The following KRT15 variants were observed in gnomAD, a reference collection of about 807,000 sequenced individuals.
KRT15 encodes keratin 15.
In KRT15, 45 loss-of-function variants were observed where a neutral mutation model predicts 46.6. That is an observed-to-expected ratio of 0.97 (90% CI 0.76 to 1.24). KRT15 has a LOEUF of 1.24. Among genes scored for constraint, KRT15 ranks in the 50% most tolerant of loss-of-function variants. The probability of loss-of-function intolerance (pLI) is 0.00; values close to 1 mark genes in which losing one functional copy is unlikely to be tolerated. For missense variants in KRT15, 592 were observed against 588.9 expected (o/e 1.01, Z -0.05); for synonymous variants, 221 against 233.8 (o/e 0.95, Z 0.50).
In KRT15 at chr17:41,518,499, T is replaced by C. The variant is rs777510451; in HGVS notation, c.329A>G (p.Gln110Arg). The change falls in exon 1 of 8, where the codon CAG (glutamine) becomes CGG (arginine). Residue 110 changes from glutamine (Q) to arginine (R), a missense_variant. Gln to Arg is a conservative substitution (Grantham distance 43). Coordinates refer to ENST00000254043, the MANE Select transcript of KRT15 (RefSeq NM_002275.4). Reference protein sequence around the residue: ...LLSGNEKITMQNLNDRLASYL... With the variant: ...LLSGNEKITMRNLNDRLASYL... ...GGAGGCCAGGCGGTCATTGAGGTTC[T>C]GCATGGTAATTTTCTCATTGCCAGA... The C allele has an allele frequency of 6.2e-7, 1 of 1,614,064 alleles. No homozygotes were observed. Among genetic ancestry groups the C allele is most frequent in the Middle Eastern group, 1.6e-4 (1 of 6,062 alleles).
At position 41,515,016 on chromosome 17, in the gene KRT15, G is replaced by A. The variant is rs980699106; in HGVS notation, c.1248-342C>T. ...CGAGTAGCTGGGATTACAGGCACCC[G>A]CCACCACGCCCAGCTAATTTTTGTA... On this transcript the variant is annotated intron_variant, in intron 6 of 7. Coordinates refer to ENST00000254043, the MANE Select transcript of KRT15 (RefSeq NM_002275.4). 95 of 288,914 alleles carry A rather than the reference G, an allele frequency of 3.3e-4. 1 individual carries two copies. Among genetic ancestry groups the A allele is most frequent in the African/African-American group, 1.8e-3 (80 of 45,318 alleles). The allele number at this position is 288,914 out of a possible 1,614,324, so 17.9% of individuals were successfully genotyped here.
rs1181763392 is a variant in KRT15, at chr17:41,516,138, T to C, written c.866A>G (p.Asn289Ser). 1 of 1,613,946 alleles carries C rather than the reference T, an allele frequency of 6.2e-7. No individual in the cohort carries two copies. Among genetic ancestry groups the C allele is most frequent in the Non-Finnish European group, 8.5e-7 (1 of 1,180,018 alleles). Residue 289 changes from asparagine to serine, a missense_variant, in exon 4 of 8, where the codon AAC (asparagine) becomes AGC (serine). Transcript: ENST00000254043. ...GAACCAGGCCTCGACATCCCGGCGG[T>C]TCTTCTCCGCCATGGCCTCGTACTG... The part of the protein sequence containing the change: ...REQYEAMAEK[N>S]RRDVEAWFFS...
At chr17:41,515,164 T>C (rs1905293927) in intron 6 of KRT15, 3 of 412,016 alleles carry the variant, frequency 7.3e-6, no homozygotes, top group South Asian at 6.0e-5. Context: ...ACTGAGCTGG[T>C]CAAGATTCTG....
In KRT15 at chr17:41,515,695, G is replaced by A. The variant is rs111862605; in HGVS notation, c.1027-3C>T. On this transcript the variant is annotated splice_polypyrimidine_tract_variant and splice_region_variant and intron_variant, in intron 5 of 7. Transcript: ENST00000254043. ...AGTGAGTTCTCCAGCCCAGCTTTCT[G>A]GGGGAGTGACAGATGCATAGACACA... The A allele has an allele frequency of 6.2e-7, 1 of 1,613,346 alleles. No individual in the cohort carries two copies. Among genetic ancestry groups the A allele is most frequent in the Non-Finnish European group, 8.5e-7 (1 of 1,179,492 alleles).
At chr17:41,515,155 C>T (rs1378469477) in intron 6 of KRT15, 1 of 394,584 alleles carries the variant, frequency 2.5e-6, no homozygotes, top group African/African-American at 2.0e-5. Flanking sequence ...GCATGAGCCA[C>T]TGAGCTGGTC....
intron 6 of KRT15, 35 bp from the exon 7 acceptor site, chr17:41,514,709 G>A (rs1316041503): frequency 8.7e-6 from 14 of 1,611,616 alleles, no homozygotes; most frequent in South Asian, 1.1e-5. Flanking sequence ...TAAGCAAAGG[G>A]CACAAGCTCA....
At chr17:41,516,531 C>G (rs1196200789) in intron 3 of KRT15, among the ~76,000 whole-genome samples, 1 of 152,118 alleles carries the variant, frequency 6.6e-6, no homozygotes, top group African/African-American at 2.4e-5. Context: ...ATACGGGCCA[C>G]CTGGGCTGGC....
At position 41,516,820 on chromosome 17, in the gene KRT15, C is replaced by T; in HGVS notation, c.726G>A (p.Lys242=). ...GGCCAGCTCTCACCTCTTCGTGGTT[C>T]TTCTTCAGGTAGGCTAGCTCCTCAT... ...GLNEELAYLK[K]NHEEEMKEFS... The change falls in exon 3 of 8, where the codon AAG becomes AAA. Residue 242 remains lysine, a synonymous_variant. Coordinates refer to ENST00000254043, the MANE Select transcript of KRT15 (RefSeq NM_002275.4). 2 of 1,614,218 alleles carry T rather than the reference C, an allele frequency of 1.2e-6. 1 individual carries two copies. Among genetic ancestry groups the T allele is most frequent in the South Asian group, 2.2e-5 (2 of 91,088 alleles).
At chr17:41,514,807 G>A in intron 6 of KRT15, 133 bp from the exon 7 acceptor site, 1 of 801,928 alleles carries the variant, frequency 1.2e-6, no homozygotes, top group East Asian at 2.7e-5. Context: ...ACTCCTCTAG[G>A]GGTGGGACAT....
intron 6 of KRT15, 45 bp downstream of exon 6, chr17:41,515,427 C>T: frequency 6.4e-7 from 1 of 1,562,394 alleles, no homozygotes. Context: ...GCACCCTAGC[C>T]ACAAGCAGCC....
At chr17:41,517,857 G>T (rs1410773946) in intron 1 of KRT15, among the ~76,000 whole-genome samples, 1 of 152,156 alleles carries the variant, frequency 6.6e-6, no homozygotes, top group Non-Finnish European at 1.5e-5. Flanking sequence ...AGCCTGCAGG[G>T]TGCATGAGGT....
At chr17:41,514,386 G>A (rs972393411) in intron 7 of KRT15, 55 of 597,248 alleles carry the variant, frequency 9.2e-5, no homozygotes, top group East Asian at 9.1e-4. Flanking sequence ...GCATCTTAGC[G>A]GAAGTGTATG....
chr17:41,518,520 C>T lies in KRT15; in HGVS notation c.308G>A (p.Gly103Asp), dbSNP rs1905510990. 1 of 1,613,866 alleles carries T rather than the reference C, an allele frequency of 6.2e-7. No individual in the cohort carries two copies. Among genetic ancestry groups the T allele is most frequent in the Admixed American group, 1.7e-5 (1 of 59,982 alleles). Residue 103 changes from glycine to aspartate, a missense_variant, in exon 1 of 8, where the codon GGC (glycine) becomes GAC (aspartate). Transcript: ENST00000254043. ...FGGGDGGLLS[G>D]NEKITMQNLN... ...GTTCTGCATGGTAATTTTCTCATTGCCAGAGAGGAGACCACCATCGCCACC... is the reference window on the plus strand; with the variant it reads ...GTTCTGCATGGTAATTTTCTCATTGTCAGAGAGGAGACCACCATCGCCACC...
chr17:41,518,870 G>A lies in KRT15; in HGVS notation c.-43C>T, dbSNP rs370572299. 5.9e-6 allele frequency: 9 copies of A among 1,519,700 alleles called. No homozygotes were observed. The highest frequency in any genetic ancestry group is 6.2e-6 in the Non-Finnish European group (7 of 1,137,868). The allele number at this position is 1,519,700 out of a possible 1,614,324, so 94.1% of individuals were successfully genotyped here. Reference sequence around the variant, plus strand: ...CCGTGAGTTCTCAGCAAACCCAAGAGATGCTGGCAGGAGGTACCAGGCCAG... The same window carrying A: ...CCGTGAGTTCTCAGCAAACCCAAGAAATGCTGGCAGGAGGTACCAGGCCAG... On this transcript the variant is annotated 5_prime_UTR_variant, in exon 1 of 8. Coordinates refer to ENST00000254043, the MANE Select transcript of KRT15 (RefSeq NM_002275.4).
At chr17:41,517,218 C>G in intron 1 of KRT15, 53 bp from the exon 2 acceptor site, 2 of 1,480,990 alleles carry the variant, frequency 1.4e-6, no homozygotes, top group Non-Finnish European at 1.9e-6. Context: ...CCCTGCTGCT[C>G]TCTGCTCTGC....
chr17:41,516,592 G>T (rs1905381348), intron 3 of KRT15, among the ~76,000 whole-genome samples: 1 of 152,164 alleles, frequency 6.6e-6, no homozygotes, highest in South Asian at 2.1e-4. Context: ...GAGGACACCT[G>T]GTTTTGTGGG....
rs1297506050 is a variant in KRT15, at chr17:41,518,286, G to T, written c.498+44C>A. 1.9e-6 allele frequency: 3 copies of T among 1,580,540 alleles called. No individual in the cohort carries two copies. In the African/African-American group the frequency reaches 4.0e-5, roughly 21 times the overall value. ...CACTGACATTAGAGCTGTGTACAGG[G>T]TACCAGCCACCTGCTCCCCTCTCTT... On this transcript the variant is annotated intron_variant, in intron 1 of 7. Coordinates refer to ENST00000254043, the MANE Select transcript of KRT15 (RefSeq NM_002275.4).
At position 41,515,163 on chromosome 17, in the gene KRT15, G is replaced by T. The variant is rs563344903; in HGVS notation, c.1247+309C>A. The T allele has an allele frequency of 7.3e-6, 3 of 412,452 alleles. No individual in the cohort carries two copies. In the South Asian group the frequency reaches 9.0e-5, roughly 12 times the overall value. 25.5% of individuals were successfully genotyped at this position (412,452 alleles called of 1,614,324 possible). The stretch of plus-strand genomic sequence containing the variant: ...ATTACAGGCATGAGCCACTGAGCTG[G>T]TCAAGATTCTGAACTACAAGAATAC... On this transcript the variant is annotated intron_variant, in intron 6 of 7. Transcript: ENST00000254043.
intron 2 of KRT15, 22 bp downstream of exon 2, chr17:41,517,061 G>C: frequency 6.2e-7 from 1 of 1,614,172 alleles, no homozygotes; most frequent in Non-Finnish European, 8.5e-7. Context: ...TGCAGGAAGA[G>C]GAGAGAGACG....
Sources: gnomAD v4.1 joint callset for allele counts (sites outside exome capture counted in the v4.1 genomes callset) on GRCh38, gnomAD v4.1.1 for gene constraint, MANE v1.5 for transcripts, NCBI Gene and HGNC (gene_info 2026-07-23, HGNC 2026-07-21) for gene names.